Variants in EIF2B3 observed in about 807,000 individuals in gnomAD.
EIF2B3 encodes the protein eukaryotic translation initiation factor 2B subunit gamma, also known as translation initiation factor eIF2B subunit gamma.
In EIF2B3, 20 loss-of-function variants were observed where a neutral mutation model predicts 54.1. The ratio of observed to expected loss-of-function variants is 0.37; its 90% CI spans 0.26 to 0.54. The LOEUF is 0.54. Ranked by LOEUF, EIF2B3 falls within the 20% of genes least tolerant of loss-of-function variation. EIF2B3 has a pLI of 0.86. For missense variants in EIF2B3, 448 were observed against 547.8 expected, an observed-to-expected ratio of 0.82 and a Z score of 1.82; for synonymous variants, 153 against 188.1, an observed-to-expected ratio of 0.81 and a Z score of 1.52.
intron 3 of EIF2B3, among the ~76,000 whole-genome samples, chr1:44,945,427 G>A (rs554899174): frequency 6.6e-6 from 1 of 151,572 alleles, no homozygotes; most frequent in Non-Finnish European, 1.5e-5. Context: ...GGTGGCAGGC[G>A]CCTGTAGTCC....
intron 10 of EIF2B3, among the ~76,000 whole-genome samples, chr1:44,871,178 GT>G (rs989547323): frequency 6.6e-6 from 1 of 152,132 alleles, no homozygotes; most frequent in Non-Finnish European, 1.5e-5. Context: ...CAACAAATCT[GT>G]TTTTTTCCTT....
intron 10 of EIF2B3, among the ~76,000 whole-genome samples, chr1:44,863,622 T>G (rs2148895899): frequency 6.6e-6 from 1 of 152,324 alleles, no homozygotes. Flanking sequence ...ACCAAACAGC[T>G]TGAGAAACAA....
rs762959486 is a variant in EIF2B3 at position 44,857,733 on chromosome 1, A to G, written c.1277T>C (p.Ile426Thr). ...EKGADIKDCL[I>T]GSGQRIEAKA... is the part of the protein sequence containing the mutation. ...GGCTTCAATCCTCTGGCCACTTCCA[A>G]TCAAGCAGTCCTTGATGTCTGCACC... Residue 426 changes from isoleucine to threonine, a missense_variant, in exon 11 of 12, where the codon ATT (isoleucine) becomes ACT (threonine). Around this residue, in one of 3 missense-constraint regions of EIF2B3, gnomAD observed 350 missense variants for 414.2 expected, o/e 0.85. Transcript: ENST00000360403. 1.9e-5 allele frequency: 30 copies of G among 1,614,032 alleles called. No individual in the cohort carries two copies. Among genetic ancestry groups the G allele is most frequent in the African/African-American group, 4.0e-5 (3 of 74,918 alleles).
chr1:44,896,377 G>A (rs1465711104), intron 6 of EIF2B3, among the ~76,000 whole-genome samples: 1 of 152,180 alleles, frequency 6.6e-6, no homozygotes, highest in Non-Finnish European at 1.5e-5. Context: ...GTGTTGTGGG[G>A]GGGTGACAGG....
chr1:44,930,546 C>T (rs981453701), intron 4 of EIF2B3, among the ~76,000 whole-genome samples: 8 of 152,212 alleles, frequency 5.3e-5, no homozygotes, highest in African/African-American at 1.9e-4. Flanking sequence ...CCTGCTGCTG[C>T]TACCTTGTAA....
At chr1:44,857,574 G>T (rs1654469969) in intron 11 of EIF2B3, 130 bp downstream of exon 11, 9 of 853,116 alleles carry the variant, frequency 1.1e-5, no homozygotes, top group Non-Finnish European at 1.8e-5. Context: ...CTCCAAAGAT[G>T]GCTTTATCAA....
chr1:44,869,640 A>C (rs113964236), intron 10 of EIF2B3, among the ~76,000 whole-genome samples: 1 of 106,926 alleles, frequency 9.4e-6, no homozygotes, highest in Admixed American at 1.4e-4. Context: ...TCGCTCTGTC[A>C]CCCAGGCTGG....
rs428928 is a variant in EIF2B3 at position 44,960,629 on chromosome 1, C to T, written c.294+17686G>A. Among the ~76,000 whole-genome samples the T allele has an allele frequency of 6.7e-3, 1,022 of 151,962 alleles. 13 individuals carry two copies. Among genetic ancestry groups the T allele is most frequent in the African/African-American group, 0.023 (970 of 41,432 alleles). Reference sequence around the variant, plus strand: ...CTCCAGCCTGGGCAACACAGCGAGACCCCGTCTCAAAAAAAAAAGACAAAA... The same window carrying T: ...CTCCAGCCTGGGCAACACAGCGAGATCCCGTCTCAAAAAAAAAAGACAAAA... On this transcript the variant is annotated intron_variant, in intron 3 of 11. Coordinates refer to ENST00000360403, the MANE Select transcript of EIF2B3 (RefSeq NM_020365.5).
At chr1:44,889,730 TG>T (rs1655733935) in intron 6 of EIF2B3, among the ~76,000 whole-genome samples, 4 of 152,130 alleles carry the variant, frequency 2.6e-5, no homozygotes, top group Non-Finnish European at 5.9e-5. Flanking sequence ...GGTTTCACCA[TG>T]TTGCCCAGGC....
chr1:44,891,756 A>T, intron 6 of EIF2B3, among the ~76,000 whole-genome samples: 1 of 152,204 alleles, frequency 6.6e-6, no homozygotes, highest in East Asian at 1.9e-4. Flanking sequence ...GTAGGCTTCT[A>T]TGCTCTCACA....
At chr1:44,897,557 A>G in intron 5 of EIF2B3, 113 bp from the exon 6 acceptor site, 2 of 823,976 alleles carry the variant, frequency 2.4e-6, no homozygotes, top group Non-Finnish European at 4.0e-6. Context: ...GGTCAGAGGC[A>G]TGCTGCCTAC....
chr1:44,957,323 A>C (rs1644236774), intron 3 of EIF2B3, among the ~76,000 whole-genome samples: 1 of 152,226 alleles, frequency 6.6e-6, no homozygotes, highest in South Asian at 2.1e-4. Flanking sequence ...CAGTTACAGA[A>C]CTTCTAAAAT....
chr1:44,916,821 A>C (rs949095082), intron 5 of EIF2B3, among the ~76,000 whole-genome samples: 4 of 151,118 alleles, frequency 2.6e-5, no homozygotes, highest in African/African-American at 9.7e-5. Flanking sequence ...AAAAAAAAAA[A>C]AAGAAAAAAG....
At chr1:44,940,473 A>G (rs189712269) in intron 4 of EIF2B3, among the ~76,000 whole-genome samples, 7 of 152,194 alleles carry the variant, frequency 4.6e-5, no homozygotes, top group African/African-American at 1.7e-4. Flanking sequence ...GATAAGCATG[A>G]TTAACAACTA....
intron 10 of EIF2B3, chr1:44,874,446 G>C (rs1288027825): frequency 1.9e-6 from 1 of 537,388 alleles, no homozygotes; most frequent in Admixed American, 3.4e-5. Flanking sequence ...TTTCTGAGTT[G>C]AATCTCTTGT....
chr1:44,864,043 G>C (rs1641885259), intron 10 of EIF2B3, among the ~76,000 whole-genome samples: 1 of 152,104 alleles, frequency 6.6e-6, no homozygotes, highest in African/African-American at 2.4e-5. Flanking sequence ...GTGAGAAATG[G>C]CTCCCTCCTA....
intron 3 of EIF2B3, among the ~76,000 whole-genome samples, chr1:44,946,331 G>C (rs557169801): frequency 8.5e-5 from 13 of 152,216 alleles, no homozygotes; most frequent in African/African-American, 3.1e-4. Context: ...CATCCTCTGT[G>C]CAACTCCATC....
At chr1:44,972,298 C>T (rs1221153653) in intron 3 of EIF2B3, among the ~76,000 whole-genome samples, 6 of 142,730 alleles carry the variant, frequency 4.2e-5, no homozygotes, top group South Asian at 4.6e-4. Flanking sequence ...CATGTATATA[C>T]ACACACACAC....
chr1:44,902,496 A>G (rs1643326374), intron 5 of EIF2B3, among the ~76,000 whole-genome samples: 1 of 152,014 alleles, frequency 6.6e-6, no homozygotes, highest in South Asian at 2.1e-4. Flanking sequence ...ACCCTGTCTC[A>G]TAATAATTAA....
Sources: gnomAD v4.1 joint callset for allele counts (sites outside exome capture counted in the v4.1 genomes callset) on GRCh38, gnomAD v4.1.1 for gene constraint, gnomAD v4.1.1 regional missense constraint, MANE v1.5 for transcripts, NCBI Gene and HGNC (gene_info 2026-07-23, HGNC 2026-07-21) for gene names.